Variants in MAPK14 observed in about 807,000 individuals in gnomAD.
MAPK14 encodes the protein CSAID-binding protein.
MAPK14 carries 16 observed loss-of-function variants against 49.6 expected under a neutral mutation model. The ratio of observed to expected loss-of-function variants is 0.32; its 90% CI spans 0.22 to 0.49. The LOEUF is 0.49. Among genes scored for constraint, MAPK14 ranks in the 20% least tolerant of loss-of-function variants. The pLI, the probability that MAPK14 is intolerant of heterozygous loss-of-function variation, is 0.99. For missense variants in MAPK14, 200 were observed against 441.2 expected (o/e 0.45, Z 4.90); for synonymous variants, 142 against 158.0 (o/e 0.90, Z 0.76).
chr6:36,094,116 T>A (rs891724066), intron 8 of MAPK14, among the ~76,000 whole-genome samples: 14 of 152,240 alleles, frequency 9.2e-5, no homozygotes, highest in African/African-American at 3.4e-4. Context: ...ATTTTTTACT[T>A]GTCAACATCT....
intron 3 of MAPK14, among the ~76,000 whole-genome samples, chr6:36,064,542 TACA>T (rs1053838009): frequency 5.9e-5 from 9 of 152,292 alleles, no homozygotes; most frequent in Admixed American, 6.5e-5. Flanking sequence ...AGGGAAGACC[TACA>T]ACAAGGCTAT....
intron 1 of MAPK14, among the ~76,000 whole-genome samples, chr6:36,032,736 A>T (rs1294011456): frequency 6.6e-6 from 1 of 152,218 alleles, no homozygotes; most frequent in African/African-American, 2.4e-5. Flanking sequence ...CTCTCCTGGA[A>T]CTTACAGCCT....
intron 3 of MAPK14, among the ~76,000 whole-genome samples, chr6:36,070,416 T>C (rs1764223715): frequency 6.6e-6 from 1 of 152,184 alleles, no homozygotes; most frequent in East Asian, 1.9e-4. Flanking sequence ...ATGGGAACGC[T>C]AATGGACATT....
intron 8 of MAPK14, among the ~76,000 whole-genome samples, chr6:36,079,833 G>A (rs932791975): frequency 6.6e-6 from 1 of 152,182 alleles, no homozygotes; most frequent in African/African-American, 2.4e-5. Context: ...AATGCAGCTA[G>A]TGGTGAGCAG....
intron 7 of MAPK14, 31 bp from the exon 8 acceptor site, chr6:36,076,506 A>C (rs201154007): frequency 7.4e-5 from 112 of 1,517,322 alleles, no homozygotes; most frequent in Non-Finnish European, 9.1e-5. Context: ...GTGACATTGC[A>C]TATACTTTTA....
intron 10 of MAPK14, among the ~76,000 whole-genome samples, chr6:36,106,189 C>T (rs1765791420): frequency 1.3e-5 from 2 of 152,124 alleles, no homozygotes; most frequent in South Asian, 4.1e-4. Flanking sequence ...AAATGTTTAA[C>T]CTGATTCTTA....
intron 8 of MAPK14, among the ~76,000 whole-genome samples, chr6:36,086,069 A>T (rs1246539417): frequency 6.6e-6 from 1 of 152,214 alleles, no homozygotes; most frequent in Non-Finnish European, 1.5e-5. Context: ...TGGATAAATA[A>T]TGAAATTAAG....
intron 8 of MAPK14, among the ~76,000 whole-genome samples, chr6:36,078,445 G>T (rs1764616785): frequency 6.6e-6 from 1 of 152,220 alleles, no homozygotes; most frequent in Non-Finnish European, 1.5e-5. Context: ...CTCCTTGGCA[G>T]ACTAGTGTTA....
Position 36,028,292 on chromosome 6 carries a change from G to C in MAPK14, c.116+19G>C. On this transcript the variant is annotated intron_variant, in intron 1 of 11. Coordinates refer to ENST00000229794, the MANE Select transcript of MAPK14 (RefSeq NM_139012.3). This position sits in a 1 kb window ranked among gnomAD's most constrained non-coding sequence, Gnocchi z 5.1. ...CTGTGTGGTGAGTGTCGCTGGGCCTGGGGCCGCTGTGGGCAGGGTGGCCCC... is the reference window on the plus strand; with the variant it reads ...CTGTGTGGTGAGTGTCGCTGGGCCTCGGGCCGCTGTGGGCAGGGTGGCCCC... 1.9e-6 allele frequency: 3 copies of C among 1,589,170 alleles called. No homozygotes were observed. The highest frequency in any genetic ancestry group is 2.6e-6 in the Non-Finnish European group (3 of 1,158,060).
At chr6:36,102,697 A>G (rs758811662) in intron 10 of MAPK14, 48 bp downstream of exon 10, 1 of 1,607,484 alleles carries the variant, frequency 6.2e-7, no homozygotes, top group Non-Finnish European at 8.5e-7. Context: ...ATTGGTTATG[A>G]TATAAATTGG....
rs1249282557 is a variant in MAPK14, at chr6:36,027,815, C to T, written c.-343C>T. On this transcript the variant is annotated 5_prime_UTR_variant, in exon 1 of 12. Transcript: ENST00000229794. Reference sequence around the variant, plus strand: ...GCTCTTGGAACCGCGACCACTGGAGCCTTAGCGGGCGCAGCAGCTGGAACG... The same window carrying T: ...GCTCTTGGAACCGCGACCACTGGAGTCTTAGCGGGCGCAGCAGCTGGAACG... The T allele has an allele frequency of 2.5e-6, 1 of 400,818 alleles. No individual in the cohort carries two copies. Among genetic ancestry groups the T allele is most frequent in the Non-Finnish European group, 4.4e-6 (1 of 227,798 alleles). 24.8% of individuals were successfully genotyped at this position (400,818 alleles called of 1,614,324 possible).
chr6:36,105,724 G>A (rs1358769055), intron 10 of MAPK14, among the ~76,000 whole-genome samples: 2 of 152,096 alleles, frequency 1.3e-5, no homozygotes, highest in African/African-American at 2.4e-5. Flanking sequence ...GCTGTAGGAC[G>A]GGTGTTTTAC....
intron 3 of MAPK14, among the ~76,000 whole-genome samples, chr6:36,066,815 C>CT (rs1764081206): frequency 6.6e-6 from 1 of 151,640 alleles, no homozygotes; most frequent in Non-Finnish European, 1.5e-5. Context: ...TAAATGTGAT[C>CT]TTTTTGGAAA....
chr6:36,080,004 C>T (rs1292352358), intron 8 of MAPK14, among the ~76,000 whole-genome samples: 1 of 151,828 alleles, frequency 6.6e-6, no homozygotes, highest in Non-Finnish European at 1.5e-5. Flanking sequence ...AGTGCAGTGG[C>T]ATGATCTTGG....
chr6:36,090,236 G>C (rs966044399), intron 8 of MAPK14, among the ~76,000 whole-genome samples: 1 of 152,042 alleles, frequency 6.6e-6, no homozygotes, highest in Non-Finnish European at 1.5e-5. Context: ...TGTCCTGCTT[G>C]TGAGTTAAAA....
At chr6:36,091,255 T>C (rs986036842) in intron 8 of MAPK14, among the ~76,000 whole-genome samples, 9 of 152,132 alleles carry the variant, frequency 5.9e-5, no homozygotes, top group African/African-American at 2.2e-4. Context: ...TTTGTTTTTT[T>C]TTTTCTTTAC....
At chr6:36,080,182 C>G (rs915370925) in intron 8 of MAPK14, among the ~76,000 whole-genome samples, 1 of 152,164 alleles carries the variant, frequency 6.6e-6, no homozygotes, top group African/African-American at 2.4e-5. Flanking sequence ...AAGTGATCCG[C>G]CCACCTTAGC....
chr6:36,057,899 A>G (rs566760242), intron 2 of MAPK14, among the ~76,000 whole-genome samples: 1 of 152,338 alleles, frequency 6.6e-6, no homozygotes, highest in East Asian at 1.9e-4. Flanking sequence ...AGATACTCTC[A>G]AATATGGCTG....
Position 36,028,790 on chromosome 6 carries a change from CCTTT to C in MAPK14, c.116+518_116+521del, listed in dbSNP as rs1355714404. 7.3e-6 allele frequency among the ~76,000 whole-genome samples: 1 copy of C among 137,482 alleles called. No individual in the cohort carries two copies. The highest frequency in any genetic ancestry group is 2.8e-5 in the African/African-American group (1 of 35,266). The allele number at this position is 137,482 out of a possible 152,430, so 90.2% of individuals were successfully genotyped here. On this transcript the variant is annotated intron_variant, in intron 1 of 11. Coordinates refer to ENST00000229794, the MANE Select transcript of MAPK14 (RefSeq NM_139012.3). This position sits in a 1 kb window ranked among gnomAD's most constrained non-coding sequence, Gnocchi z 5.1. ...GACCAGGAAGGGAGCTCTCTCCGGG[CCTTT>C]TTTTTTTTTTTTTTTTTTCAAAACT...
Sources: gnomAD v4.1 joint callset for allele counts (sites outside exome capture counted in the v4.1 genomes callset) on GRCh38, gnomAD v4.1.1 for gene constraint, Gnocchi (gnomAD v3.1) non-coding constraint, MANE v1.5 for transcripts, NCBI Gene and HGNC (gene_info 2026-07-23, HGNC 2026-07-21) for gene names.